C14orf93: variants seen among roughly 807,000 people sequenced by gnomAD.
C14orf93 encodes uncharacterized protein C14orf93.
C14orf93 carries 23 observed loss-of-function variants against 44.0 expected under a neutral mutation model. That is an observed-to-expected ratio of 0.52 (90% CI 0.38 to 0.74). C14orf93 has a LOEUF of 0.74. Among genes scored for constraint, C14orf93 ranks in the 30% least tolerant of loss-of-function variants. The probability of loss-of-function intolerance (pLI) is 0.00; values close to 1 mark genes in which losing one functional copy is unlikely to be tolerated. For synonymous variants in C14orf93, 253 were observed against 265.7 expected, an observed-to-expected ratio of 0.95 and a Z score of 0.46; for missense variants, 579 against 678.9, an observed-to-expected ratio of 0.85 and a Z score of 1.64.
In C14orf93 at chr14:22,989,736, T is replaced by C. The variant is rs2045476637; in HGVS notation, c.1084+6A>G. Reference sequence around the variant, plus strand: ...ATGGCATAGGAGTTAAACCAGTTTTTCTCACCTTTTAGCTCCTTATCAGTG... The same window carrying C: ...ATGGCATAGGAGTTAAACCAGTTTTCCTCACCTTTTAGCTCCTTATCAGTG... On this transcript the variant is annotated splice_donor_region_variant and intron_variant, in intron 5 of 6. Coordinates refer to ENST00000299088, the MANE Select transcript of C14orf93 (RefSeq NM_021944.4). 3 of 1,601,402 alleles carry C rather than the reference T, an allele frequency of 1.9e-6. No individual in the cohort carries two copies. The highest frequency in any genetic ancestry group is 2.6e-6 in the Non-Finnish European group (3 of 1,168,734).
At chr14:23,007,343 C>G (rs1467574372) in intron 1 of C14orf93, among the ~76,000 whole-genome samples, 3 of 152,234 alleles carry the variant, frequency 2.0e-5, no homozygotes, top group Non-Finnish European at 4.4e-5. Context: ...CCGTCAGACG[C>G]CATCTTTAGC....
chr14:22,997,196 C>CTCTCAA, intron 2 of C14orf93, among the ~76,000 whole-genome samples: 1 of 152,290 alleles, frequency 6.6e-6, no homozygotes, highest in Admixed American at 6.5e-5. Context: ...GCTGGAACCA[C>CTCTCAA]GGAGAGTCCT....
chr14:23,002,601 G>T (rs2046369406), intron 1 of C14orf93: 1 of 152,120 alleles, frequency 6.6e-6, no homozygotes, highest in African/African-American at 2.4e-5. Context: ...CATAATATAT[G>T]TAAGGCACCT....
intron 1 of C14orf93, among the ~76,000 whole-genome samples, chr14:23,002,384 A>C (rs2046355518): frequency 6.9e-6 from 1 of 145,676 alleles, no homozygotes; most frequent in Non-Finnish European, 1.5e-5. Context: ...CCCAGGAGTC[A>C]GAGGTTGCAG....
At chr14:22,997,056 G>A (rs914866619) in intron 2 of C14orf93, among the ~76,000 whole-genome samples, 1 of 152,090 alleles carries the variant, frequency 6.6e-6, no homozygotes, top group Non-Finnish European at 1.5e-5. Flanking sequence ...CCTGTGAGCT[G>A]CTTTCTGCGC....
chr14:23,006,065 T>C (rs980751497), intron 1 of C14orf93: 1 of 152,250 alleles, frequency 6.6e-6, no homozygotes, highest in African/African-American at 2.4e-5. Flanking sequence ...GGTGCTTGAC[T>C]CATTCAGGGT....
intron 2 of C14orf93, chr14:22,998,200 A>G: frequency 1.9e-6 from 1 of 515,240 alleles, no homozygotes; most frequent in South Asian, 4.9e-5. Context: ...AGGGAAGGGC[A>G]CCCCATCACT....
chr14:22,998,196 G>C (rs2046106260), intron 2 of C14orf93: 2 of 501,792 alleles, frequency 4.0e-6, no homozygotes, highest in Non-Finnish European at 3.3e-6. Context: ...AGAGAGGGAA[G>C]GGCACCCCAT....
intron 3 of C14orf93, among the ~76,000 whole-genome samples, chr14:22,993,552 CAA>C (rs1213524665): frequency 6.6e-6 from 1 of 150,858 alleles, no homozygotes; most frequent in Non-Finnish European, 1.5e-5. Context: ...TTCAAAAAAA[CAA>C]AAAACAAAAA....
intron 2 of C14orf93, among the ~76,000 whole-genome samples, chr14:22,997,247 C>T (rs2046038063): frequency 6.6e-6 from 1 of 152,180 alleles, no homozygotes; most frequent in Admixed American, 6.5e-5. Flanking sequence ...GGCCATTACC[C>T]ATATGGCTGT....
intron 1 of C14orf93, among the ~76,000 whole-genome samples, chr14:23,009,035 G>A (rs1272196827): frequency 6.6e-6 from 1 of 152,084 alleles, no homozygotes; most frequent in Non-Finnish European, 1.5e-5. Context: ...ACACATAAAG[G>A]CCAAAATATA....
At chr14:23,005,545 T>C (rs1480849685) in intron 1 of C14orf93, 1 of 152,206 alleles carries the variant, frequency 6.6e-6, no homozygotes, top group Non-Finnish European at 1.5e-5. Flanking sequence ...TTTCAAATGA[T>C]GGCAACATGT....
chr14:22,986,566 T>A lies in C14orf93; in HGVS notation c.*649A>T, dbSNP rs2045236323. The A allele has an allele frequency of 6.5e-6, 1 of 152,688 alleles. No homozygotes were observed. Among genetic ancestry groups the A allele is most frequent in the Admixed American group, 6.5e-5 (1 of 15,344 alleles). The allele number at this position is 152,688 out of a possible 1,614,324, so 9.5% of individuals were successfully genotyped here. ...CTTGGTCACATAGTGAGAGAGAGGCTGCCGGTGAGACACGGGAACTCTTTA... is the reference window on the plus strand; with the variant it reads ...CTTGGTCACATAGTGAGAGAGAGGCAGCCGGTGAGACACGGGAACTCTTTA... On this transcript the variant is annotated 3_prime_UTR_variant, in exon 7 of 7. Coordinates refer to ENST00000299088, the MANE Select transcript of C14orf93 (RefSeq NM_021944.4).
At position 22,996,318 on chromosome 14, in the gene C14orf93, C is replaced by G; in HGVS notation, c.598-50G>C. On this transcript the variant is annotated intron_variant, in intron 2 of 6. Transcript: ENST00000299088. This position sits in a 1 kb window ranked among gnomAD's most constrained non-coding sequence, Gnocchi z 4.1. ...TATTAGCCAGCCAGGCTTAGGGGAA[C>G]CTGGTTAACCATCATTCTTTGGCTA... 6.7e-7 allele frequency: 1 copy of G among 1,486,590 alleles called. No homozygotes were observed. Among genetic ancestry groups the G allele is most frequent in the Middle Eastern group, 2.0e-4 (1 of 4,900 alleles). 92.1% of individuals were successfully genotyped at this position (1,486,590 alleles called of 1,614,324 possible). A position where few individuals can be genotyped will look rare whatever the true frequency, so the allele number is the denominator to read the frequency against.
chr14:22,990,582 G>A (rs371734696), intron 3 of C14orf93, among the ~76,000 whole-genome samples: 2 of 146,278 alleles, frequency 1.4e-5, no homozygotes, highest in African/African-American at 2.5e-5. Context: ...CGATTCTCCC[G>A]CCTCAGCCTC....
In C14orf93 at chr14:22,987,427, C is replaced by T. The variant is rs1436859650; in HGVS notation, c.1405G>A (p.Ala469Thr). 6.2e-7 allele frequency: 1 copy of T among 1,614,254 alleles called. No individual in the cohort carries two copies. Among genetic ancestry groups the T allele is most frequent in the East Asian group, 2.2e-5 (1 of 44,888 alleles). Reference sequence around the variant, plus strand: ...GAGGGAGGCCCATACACACGGTTGGCTTTGGTGCCATGCTTAGAGTTAGCA... The same window carrying T: ...GAGGGAGGCCCATACACACGGTTGGTTTTGGTGCCATGCTTAGAGTTAGCA... Reference protein sequence around the residue: ...LDANSKHGTKANRVYGPPSDR... With the variant: ...LDANSKHGTKTNRVYGPPSDR... Residue 469 changes from alanine to threonine, a missense_variant, in exon 7 of 7, where the codon GCC (alanine) becomes ACC (threonine). By Grantham distance (58) the Ala-to-Thr change is moderately conservative. Coordinates refer to ENST00000299088, the MANE Select transcript of C14orf93 (RefSeq NM_021944.4). This position sits in a 1 kb window ranked among gnomAD's most constrained non-coding sequence, Gnocchi z 5.6.
intron 1 of C14orf93, chr14:23,005,081 G>GT (rs747491131): frequency 6.6e-6 from 1 of 152,000 alleles, no homozygotes; most frequent in Non-Finnish European, 1.5e-5. Context: ...AAAGCTTCCA[G>GT]TTGAGCCTTG....
chr14:23,002,723 CTT>C (rs920616615), intron 1 of C14orf93: 2 of 146,688 alleles, frequency 1.4e-5, no homozygotes, highest in African/African-American at 2.5e-5. Context: ...ATTCCTTAAT[CTT>C]TTTTTTTTTA....
intron 3 of C14orf93, among the ~76,000 whole-genome samples, chr14:22,991,865 T>G (rs1031199409): frequency 6.6e-6 from 1 of 152,182 alleles, no homozygotes; most frequent in Non-Finnish European, 1.5e-5. Context: ...CCACCGTGCC[T>G]GGCCATCTTC....
Sources: gnomAD v4.1 joint callset for allele counts (sites outside exome capture counted in the v4.1 genomes callset) on GRCh38, gnomAD v4.1.1 for gene constraint, Gnocchi (gnomAD v3.1) non-coding constraint, MANE v1.5 for transcripts, NCBI Gene and HGNC (gene_info 2026-07-23, HGNC 2026-07-21) for gene names.